CHST4: variants seen among roughly 807,000 people sequenced by gnomAD.
The protein encoded by CHST4 is carbohydrate sulfotransferase 4, also known as GST-3.
For missense variants in CHST4, 466 were observed against 506.0 expected (o/e 0.92, Z 0.76); for synonymous variants, 171 against 195.5 (o/e 0.87, Z 1.05).
intron 1 of CHST4, among the ~76,000 whole-genome samples, chr16:71,531,617 T>A (rs1368691839): frequency 6.6e-6 from 1 of 152,110 alleles, no homozygotes; most frequent in South Asian, 2.1e-4. Flanking sequence ...CAGCAGCAGT[T>A]GGCAGGCAAG....
intron 1 of CHST4, among the ~76,000 whole-genome samples, chr16:71,530,783 GA>G (rs1025369069): frequency 6.9e-6 from 1 of 144,384 alleles, no homozygotes; most frequent in Non-Finnish European, 1.5e-5. Flanking sequence ...TCTAAAAAAG[GA>G]AAAAAAAGAT....
rs1190834762 is a variant in CHST4, at chr16:71,536,753, A to G, written c.76A>G (p.Met26Val). 2.7e-6 allele frequency: 4 copies of G among 1,507,586 alleles called. No individual in the cohort carries two copies. The highest frequency in any genetic ancestry group is 2.3e-5 in the Admixed American group (1 of 43,102). The allele number at this position is 1,507,586 out of a possible 1,614,324, so 93.4% of individuals were successfully genotyped here. Residue 26 changes from methionine (M) to valine (V), a missense_variant, in exon 2 of 2, where the codon ATG becomes GTG. Physicochemically the swap from Met to Val is conservative, Grantham distance 21. Transcript: ENST00000539698. ...QMAILALFFHMYSHNISSLSM... is the reference protein window; with the variant it reads ...QMAILALFFHVYSHNISSLSM... ...GGCCATCTTGGCTCTATTCTTCCAC[A>G]TGTACAGCCACAACATCAGCTCCCT...
chr16:71,528,583 C>G (rs1239009040), intron 1 of CHST4, among the ~76,000 whole-genome samples: 1 of 152,162 alleles, frequency 6.6e-6, no homozygotes, highest in Non-Finnish European at 1.5e-5. Context: ...TTTTCCAGGT[C>G]TTCAGGCTGC....
chr16:71,537,619 C>A lies in CHST4; in HGVS notation c.942C>A (p.Gly314=). 2.5e-6 allele frequency: 4 copies of A among 1,614,196 alleles called. No individual in the cohort carries two copies. The highest frequency in any genetic ancestry group is 3.4e-6 in the Non-Finnish European group (4 of 1,180,034). Residue 314 remains glycine (G), a synonymous_variant, in exon 2 of 2, where the codon GGC becomes GGA. Transcript: ENST00000539698. This position sits in a 1 kb window ranked among gnomAD's most constrained non-coding sequence, Gnocchi z 4.2. ...TGCATAACATCACCCGAGGCAAGGG[C>A]ATGGGTGACCACGCTTTCCACACAA... ...TWVHNITRGK[G]MGDHAFHTNA...
At chr16:71,529,018 G>C (rs186557654) in intron 1 of CHST4, among the ~76,000 whole-genome samples, 1 of 151,892 alleles carries the variant, frequency 6.6e-6, no homozygotes, top group East Asian at 1.9e-4. Context: ...TTCACCCATC[G>C]TTGGGGCAAC....
chr16:71,537,620 A>G lies in CHST4; in HGVS notation c.943A>G (p.Met315Val), dbSNP rs1205331062. 3 of 1,614,074 alleles carry G rather than the reference A, an allele frequency of 1.9e-6. No individual in the cohort carries two copies. The highest frequency in any genetic ancestry group is 2.7e-5 in the African/African-American group (2 of 74,944). ...WVHNITRGKG[M>V]GDHAFHTNAR... ...GCATAACATCACCCGAGGCAAGGGCATGGGTGACCACGCTTTCCACACAAA... is the reference window on the plus strand; with the variant it reads ...GCATAACATCACCCGAGGCAAGGGCGTGGGTGACCACGCTTTCCACACAAA... Residue 315 changes from methionine to valine, a missense_variant, in exon 2 of 2, where the codon ATG (methionine) becomes GTG (valine). Coordinates refer to ENST00000539698, the MANE Select transcript of CHST4 (RefSeq NM_001166395.2). The surrounding 1 kb of genome is among the most constrained non-coding windows in gnomAD (Gnocchi z 4.2).
At chr16:71,534,324 G>A (rs2043971124) in intron 1 of CHST4, among the ~76,000 whole-genome samples, 1 of 149,406 alleles carries the variant, frequency 6.7e-6, no homozygotes, top group South Asian at 2.1e-4. Flanking sequence ...AAGAGTTCAA[G>A]ATCTGACTGG....
intron 1 of CHST4, among the ~76,000 whole-genome samples, chr16:71,528,368 C>T (rs2043923479): frequency 6.6e-6 from 1 of 151,510 alleles, no homozygotes; most frequent in Non-Finnish European, 1.5e-5. Context: ...TTCTGGGTCT[C>T]ATATAGTAAA....
chr16:71,536,508 AG>A (rs2043989219), intron 1 of CHST4, 151 bp from the exon 2 acceptor site: 1 of 447,508 alleles, frequency 2.2e-6, no homozygotes, highest in African/African-American at 2.0e-5. Flanking sequence ...GATTTGGAGA[AG>A]GACTGGTGCC....
Position 71,537,745 on chromosome 16 carries a change from G to C in CHST4, c.1068G>C (p.Leu356Phe), listed in dbSNP as rs1343532079. The C allele has an allele frequency of 6.2e-7, 1 of 1,614,240 alleles. No homozygotes were observed. The highest frequency in any genetic ancestry group is 2.2e-5 in the East Asian group (1 of 44,894). The change falls in exon 2 of 2, where the codon TTG (leucine) becomes TTC (phenylalanine). Residue 356 changes from leucine (L) to phenylalanine (F), a missense_variant. By Grantham distance (22) the Leu-to-Phe change is conservative. Transcript: ENST00000539698. The surrounding 1 kb of genome is among the most constrained non-coding windows in gnomAD (Gnocchi z 4.2). ...LQKACGDAMNLLGYRHVRSEQ... is the reference protein window; with the variant it reads ...LQKACGDAMNFLGYRHVRSEQ... The stretch of plus-strand genomic sequence containing the variant: ...AAGCCTGTGGCGATGCCATGAATTT[G>C]CTGGGCTACCGCCACGTCAGATCTG...
At position 71,537,699 on chromosome 16, in the gene CHST4, A is replaced by G. The variant is rs1012504032; in HGVS notation, c.1022A>G (p.Glu341Gly). The change falls in exon 2 of 2, where the codon GAA (glutamate) becomes GGA (glycine). Residue 341 changes from glutamate to glycine, a missense_variant. By Grantham distance (98) the Glu-to-Gly change is moderately conservative (BLOSUM62 -2). Coordinates refer to ENST00000539698, the MANE Select transcript of CHST4 (RefSeq NM_001166395.2). This position sits in a 1 kb window ranked among gnomAD's most constrained non-coding sequence, Gnocchi z 4.2. ...GCTTGGCGCTGGTCTTTGCCCTATGAAAAGGTTTCTCGACTTCAGAAAGCC... is the reference window on the plus strand; with the variant it reads ...GCTTGGCGCTGGTCTTTGCCCTATGGAAAGGTTTCTCGACTTCAGAAAGCC... ...SQAWRWSLPY[E>G]KVSRLQKACG... is the part of the protein sequence containing the mutation. The G allele has an allele frequency of 8.7e-6, 14 of 1,614,058 alleles. No individual in the cohort carries two copies. The highest frequency in any genetic ancestry group is 1.3e-5 in the African/African-American group (1 of 74,910).
At chr16:71,536,443 A>C in intron 1 of CHST4, 2 of 381,198 alleles carry the variant, frequency 5.2e-6, no homozygotes, top group Non-Finnish European at 4.6e-6. Context: ...GGAAGGAGGA[A>C]TTAAAGACCC....
intron 1 of CHST4, among the ~76,000 whole-genome samples, chr16:71,529,855 T>C (rs2043935059): frequency 2.6e-5 from 4 of 152,220 alleles, no homozygotes; most frequent in Admixed American, 2.6e-4. Flanking sequence ...AACAAATTAA[T>C]CTCAAGAGGG....
At chr16:71,528,622 A>G (rs1377637537) in intron 1 of CHST4, among the ~76,000 whole-genome samples, 1 of 151,870 alleles carries the variant, frequency 6.6e-6, no homozygotes, top group Admixed American at 6.6e-5. Context: ...CCCCAATCCA[A>G]CCCCATTCTC....
Position 71,537,282 on chromosome 16 carries a change from A to C in CHST4, c.605A>C (p.His202Pro). ...KDPSLNLHIV[H>P]LVRDPRAVFR... ...CCCTCCCTCAACCTGCATATCGTGC[A>C]CCTGGTCCGGGACCCCCGGGCCGTG... The change falls in exon 2 of 2, where the codon CAC becomes CCC. Residue 202 changes from histidine to proline, a missense_variant. Transcript: ENST00000539698. The surrounding 1 kb of genome is among the most constrained non-coding windows in gnomAD (Gnocchi z 4.2). 1.9e-6 allele frequency: 3 copies of C among 1,614,196 alleles called. No homozygotes were observed. The highest frequency in any genetic ancestry group is 4.5e-5 in the East Asian group (2 of 44,880).
At chr16:71,534,295 A>C (rs934799482) in intron 1 of CHST4, among the ~76,000 whole-genome samples, 2 of 151,350 alleles carry the variant, frequency 1.3e-5, no homozygotes, top group African/African-American at 2.4e-5. Context: ...AGGCTGAGGC[A>C]GGAAGATTGT....
rs748056736 is a variant in CHST4, at chr16:71,537,230, C to T, written c.553C>T (p.Gln185Ter). ...VLKEVRFFNL[Q>*]SLYPLLKDPS... ...CAAGGAGGTGCGCTTCTTCAACCTGCAGTCCCTCTACCCGCTGCTGAAAGA... is the reference window on the plus strand; with the variant it reads ...CAAGGAGGTGCGCTTCTTCAACCTGTAGTCCCTCTACCCGCTGCTGAAAGA... The change falls in exon 2 of 2, where the codon CAG (glutamine) becomes TAG (stop). Residue 185 changes from glutamine (Q) to a stop codon, truncating the protein, a stop_gained. Coordinates refer to ENST00000539698, the MANE Select transcript of CHST4 (RefSeq NM_001166395.2). LOFTEE classifies it low-confidence loss of function (END_TRUNC). The surrounding 1 kb of genome is among the most constrained non-coding windows in gnomAD (Gnocchi z 4.2). 4 of 1,614,220 alleles carry T rather than the reference C, an allele frequency of 2.5e-6. No homozygotes were observed. The highest frequency in any genetic ancestry group is 1.3e-5 in the African/African-American group (1 of 75,072).
intron 1 of CHST4, among the ~76,000 whole-genome samples, chr16:71,535,771 T>C (rs1014980974): frequency 6.6e-6 from 1 of 152,184 alleles, no homozygotes; most frequent in Non-Finnish European, 1.5e-5. Flanking sequence ...GAGACACTAA[T>C]AGCTCAAATA....
chr16:71,531,099 GT>G (rs2145203220), intron 1 of CHST4, among the ~76,000 whole-genome samples: 1 of 152,228 alleles, frequency 6.6e-6, no homozygotes, highest in East Asian at 1.9e-4. Context: ...GAAAAAGGTA[GT>G]TTTTGGCAGC....
Sources: allele counts gnomAD v4.1 joint callset (sites outside exome capture counted in the v4.1 genomes callset), GRCh38; gene constraint gnomAD v4.1.1; non-coding constraint Gnocchi (gnomAD v3.1); transcripts MANE v1.5; gene names NCBI Gene and HGNC (gene_info 2026-07-23, HGNC 2026-07-21).